GOLGB1: variants seen among roughly 807,000 people sequenced by gnomAD.
GOLGB1 encodes the protein golgin B1, also known as golgin subfamily B member 1.
A neutral mutation model predicts 336.9 loss-of-function variants in GOLGB1; 174 were observed. The ratio of observed to expected loss-of-function variants is 0.52; its 90% confidence interval spans 0.46 to 0.59. GOLGB1 has a LOEUF of 0.59. GOLGB1 is among the 20% of genes least tolerant of loss of function. The pLI is 0.00. For missense variants in GOLGB1, 3,331 were observed against 3,645.3 expected, an observed-to-expected ratio of 0.91 and a Z score of 2.22; for synonymous variants, 1,208 against 1,289.2, an observed-to-expected ratio of 0.94 and a Z score of 1.35.
chr3:121,702,417 T>C (rs1943485996), intron 11 of GOLGB1, 64 bp downstream of exon 11: 1 of 579,338 alleles, frequency 1.7e-6, no homozygotes, highest in Non-Finnish European at 2.9e-6. Context: ...ACATAATTAG[T>C]GATAAAAGTA....
Position 121,717,136 on chromosome 3 carries a change from G to A in GOLGB1, c.889C>T (p.Leu297Phe), listed in dbSNP as rs1250013894. The change falls in exon 9 of 22, where the codon CTC (leucine) becomes TTC (phenylalanine). Residue 297 changes from leucine (L) to phenylalanine (F), a missense_variant. Leu to Phe is a conservative substitution (Grantham distance 22). Coordinates refer to ENST00000614479, the MANE Select transcript of GOLGB1 (RefSeq NM_001366282.2). Reference sequence around the variant, plus strand: ...TCCATCTGCTGTAACTGCTGAGAGAGAATCTAAGAAAAAAGACAAAGTCTC... The same window carrying A: ...TCCATCTGCTGTAACTGCTGAGAGAAAATCTAAGAAAAAAGACAAAGTCTC... ...LTAAEQRNQI[L>F]SQQLQQMEAE... 13 of 1,588,740 alleles carry A rather than the reference G, an allele frequency of 8.2e-6. No homozygotes were observed. The highest frequency in any genetic ancestry group is 7.4e-5 in the Admixed American group (4 of 54,166).
In GOLGB1 at chr3:121,697,037, G is replaced by C. The variant is rs745334591; in HGVS notation, c.3486C>G (p.His1162Gln). 2 of 1,613,936 alleles carry C rather than the reference G, an allele frequency of 1.2e-6. No homozygotes were observed. The highest frequency in any genetic ancestry group is 2.2e-5 in the South Asian group (2 of 91,076). Reference protein sequence around the residue: ...ISPPCTGSSEHWKPELEEKIL... With the variant: ...ISPPCTGSSEQWKPELEEKIL... ...TCTTTTCTTCTAGTTCTGGTTTCCAGTGTTCACTACTACCTGTACAAGGTG... is the reference window on the plus strand; with the variant it reads ...TCTTTTCTTCTAGTTCTGGTTTCCACTGTTCACTACTACCTGTACAAGGTG... Residue 1162 changes from histidine to glutamine, a missense_variant, in exon 13 of 22, where the codon CAC becomes CAG. By Grantham distance (24) the His-to-Gln change is conservative. Coordinates refer to ENST00000614479, the MANE Select transcript of GOLGB1 (RefSeq NM_001366282.2).
At chr3:121,734,929 A>T (rs1946378191) in intron 1 of GOLGB1, among the ~76,000 whole-genome samples, 1 of 152,270 alleles carries the variant, frequency 6.6e-6, no homozygotes, top group Non-Finnish European at 1.5e-5. Context: ...AACAAACTGT[A>T]GCACATCCAA....
intron 1 of GOLGB1, among the ~76,000 whole-genome samples, chr3:121,748,250 T>C (rs1304503908): frequency 6.6e-6 from 1 of 152,222 alleles, no homozygotes; most frequent in Non-Finnish European, 1.5e-5. Flanking sequence ...CAAGGCTTTT[T>C]AAAAACTTCA....
chr3:121,733,280 TC>T (rs1192250691), intron 1 of GOLGB1, among the ~76,000 whole-genome samples: 1 of 107,244 alleles, frequency 9.3e-6, no homozygotes, highest in Non-Finnish European at 1.8e-5. Context: ...CCTAGATTGC[TC>T]CGTCTCAAAA....
chr3:121,697,571 A>G lies in GOLGB1; in HGVS notation c.2952T>C (p.His984=). ...AGQISKEELQ[H]EFDLLKKENE... is the part of the protein sequence containing the mutation. ...TTTCTTTCTTCAGAAGGTCAAATTC[A>G]TGCTGAAGTTCTTCCTTACTTATTT... The change falls in exon 13 of 22, where the codon CAT becomes CAC. Residue 984 remains histidine (H), a synonymous_variant. Coordinates refer to ENST00000614479, the MANE Select transcript of GOLGB1 (RefSeq NM_001366282.2). 6.2e-7 allele frequency: 1 copy of G among 1,613,728 alleles called. No homozygotes were observed. The highest frequency in any genetic ancestry group is 8.5e-7 in the Non-Finnish European group (1 of 1,179,954).
chr3:121,735,475 T>C (rs1946411745), intron 1 of GOLGB1, among the ~76,000 whole-genome samples: 1 of 152,200 alleles, frequency 6.6e-6, no homozygotes. Context: ...ACATAAACAC[T>C]GTACTCTGCT....
chr3:121,696,290 T>C lies in GOLGB1; in HGVS notation c.4233A>G (p.Glu1411=), dbSNP rs777318712. The C allele has an allele frequency of 6.2e-7, 1 of 1,614,034 alleles. No homozygotes were observed. Among genetic ancestry groups the C allele is most frequent in the East Asian group, 2.2e-5 (1 of 44,884 alleles). ...ELQKLISKKE[E]DVSYLSGQLS... ...GTTGTCCAGAAAGGTAGCTAACGTC[T>C]TCTTCCTTTTTGCTTATGAGTTTTT... The change falls in exon 13 of 22, where the codon GAA becomes GAG. Residue 1411 remains glutamate (E), a synonymous_variant. Transcript: ENST00000614479.
At chr3:121,713,637 G>T (rs1944525981) in intron 10 of GOLGB1, among the ~76,000 whole-genome samples, 1 of 152,016 alleles carries the variant, frequency 6.6e-6, no homozygotes, top group Admixed American at 6.6e-5. Context: ...ACTGTAAAGG[G>T]GTATAGGGAT....
rs192135300 is a variant in GOLGB1, at chr3:121,716,377, T to C, written c.1288+360A>G. On this transcript the variant is annotated intron_variant, in intron 9 of 21. Coordinates refer to ENST00000614479, the MANE Select transcript of GOLGB1 (RefSeq NM_001366282.2). ...AGATTTATGGATAACTCCATGCAAT[T>C]TAGTCTCCTAACCTATGCACCTAGA... Among the ~76,000 whole-genome samples, 4 of 152,290 alleles carry C rather than the reference T, an allele frequency of 2.6e-5. No individual in the cohort carries two copies. In the East Asian group the frequency reaches 7.7e-4, roughly 29 times the overall value.
intron 10 of GOLGB1, among the ~76,000 whole-genome samples, 187 bp from the exon 11 acceptor site, chr3:121,702,782 A>C (rs941427415): frequency 1.3e-5 from 2 of 152,242 alleles, no homozygotes; most frequent in African/African-American, 4.8e-5. Context: ...ATTTAGAAAA[A>C]GAAATAAAAT....
At chr3:121,688,017 G>C (rs1481193805) in intron 14 of GOLGB1, among the ~76,000 whole-genome samples, 1 of 152,114 alleles carries the variant, frequency 6.6e-6, no homozygotes, top group Admixed American at 6.5e-5. Context: ...GATTACAAAA[G>C]GGGAAAGACT....
chr3:121,684,368 GAGA>G (rs1474524671), intron 14 of GOLGB1, among the ~76,000 whole-genome samples: 11 of 150,050 alleles, frequency 7.3e-5, no homozygotes, highest in Admixed American at 7.3e-4. Flanking sequence ...TAAGACAACA[GAGA>G]AAAAGGATAG....
At chr3:121,719,456 G>T (rs1441332132) in intron 7 of GOLGB1, among the ~76,000 whole-genome samples, 190 bp downstream of exon 7, 1 of 152,022 alleles carries the variant, frequency 6.6e-6, no homozygotes, top group Non-Finnish European at 1.5e-5. Flanking sequence ...CTGATTAGAG[G>T]GGTAAAAGGC....
intron 8 of GOLGB1, 90 bp downstream of exon 8, chr3:121,718,298 C>T (rs1168173367): frequency 6.6e-6 from 5 of 761,488 alleles, no homozygotes; most frequent in African/African-American, 1.8e-5. Context: ...TCTCTGAAGA[C>T]TTTAAATAGG....
rs374118391 is a variant in GOLGB1 at position 121,696,772 on chromosome 3, C to T, written c.3751G>A (p.Gly1251Arg). Residue 1251 changes from glycine to arginine, a missense_variant, in exon 13 of 22, where the codon GGA becomes AGA. Coordinates refer to ENST00000614479, the MANE Select transcript of GOLGB1 (RefSeq NM_001366282.2). The stretch of plus-strand genomic sequence containing the variant: ...TGCTGGTCTGTGCTTGGGAGTTTTC[C>T]GTCTATGGATTCCCTTACTTGAATC... Reference protein sequence around the residue: ...LQIQVRESIDGKLPSTDQQES... With the variant: ...LQIQVRESIDRKLPSTDQQES... 3.7e-6 allele frequency: 6 copies of T among 1,614,042 alleles called. No individual in the cohort carries two copies. Among genetic ancestry groups the T allele is most frequent in the South Asian group, 3.3e-5 (3 of 91,080 alleles).
chr3:121,692,939 T>C (rs1482162529), intron 13 of GOLGB1, among the ~76,000 whole-genome samples: 2 of 152,178 alleles, frequency 1.3e-5, no homozygotes, highest in South Asian at 2.1e-4. Context: ...AATCTTGATA[T>C]GAAAGACAGT....
intron 6 of GOLGB1, among the ~76,000 whole-genome samples, chr3:121,720,800 G>C (rs1945139230): frequency 6.6e-6 from 1 of 152,010 alleles, no homozygotes; most frequent in Admixed American, 6.6e-5. Flanking sequence ...CCCCATCACT[G>C]AAATATCTCC....
chr3:121,673,970 C>T (rs1279877814), intron 17 of GOLGB1, among the ~76,000 whole-genome samples: 1 of 152,228 alleles, frequency 6.6e-6, no homozygotes, highest in Non-Finnish European at 1.5e-5. Context: ...ATCCACTCAC[C>T]TTGGCCTCCC....
Sources: gnomAD v4.1 joint callset for allele counts (sites outside exome capture counted in the v4.1 genomes callset) on GRCh38, gnomAD v4.1.1 for gene constraint, MANE v1.5 for transcripts, NCBI Gene and HGNC (gene_info 2026-07-23, HGNC 2026-07-21) for gene names.